MEF2C: variants seen among roughly 807,000 people sequenced by gnomAD.
MEF2C encodes the protein myocyte-specific enhancer factor 2C.
A neutral mutation model predicts 50.5 loss-of-function variants in MEF2C; 6 were observed. That is an observed-to-expected ratio of 0.12 (90% confidence interval 0.07 to 0.23). MEF2C has a LOEUF of 0.23. Among genes scored for constraint, MEF2C ranks in the 10% least tolerant of loss-of-function variants. The probability of loss-of-function intolerance (pLI) is 1.00; values close to 1 mark genes in which losing one functional copy is unlikely to be tolerated. For missense variants in MEF2C, 276 were observed against 605.0 expected (o/e 0.46, Z 5.70); for synonymous variants, 183 against 228.0 (o/e 0.80, Z 1.78).
Position 88,893,552 on chromosome 5 carries a change from T to A in MEF2C, c.-239-5954A>T, listed in dbSNP as rs184305058. On this transcript the variant is annotated intron_variant, in intron 1 of 11. Transcript: ENST00000340208. Reference sequence around the variant, plus strand: ...CTAGGTAATTTTTTAAATGACTATGTTCTACTTATCTGGATCTTACAAAAT... The same window carrying A: ...CTAGGTAATTTTTTAAATGACTATGATCTACTTATCTGGATCTTACAAAAT... Among the ~76,000 whole-genome samples the A allele has an allele frequency of 8.9e-4, 136 of 152,136 alleles. 1 individual carries two copies. In the Middle Eastern group the frequency reaches 0.01, roughly 11 times the overall value.
rs34317 is a variant in MEF2C at position 88,720,191 on chromosome 5, A to G, written c.*2413T>C. 0.69 allele frequency: 105,589 copies of G among 151,978 alleles called. 37,347 individuals are homozygous for G. Among genetic ancestry groups the G allele is most frequent in the East Asian group, 0.92 (4,788 of 5,184 alleles). 9.4% of individuals were successfully genotyped at this position (151,978 alleles called of 1,614,324 possible). ...GATCAAGTCTATGGTGAGGAAAATG[A>G]TTTTCTTATTTTATTCCCCTGTGCG... On this transcript the variant is annotated 3_prime_UTR_variant, in exon 11 of 11. Coordinates refer to ENST00000504921, the MANE Select transcript of MEF2C (RefSeq NM_002397.5).
intron 3 of MEF2C, among the ~76,000 whole-genome samples, chr5:88,803,511 A>G (rs1409478999): frequency 6.6e-6 from 1 of 152,216 alleles, no homozygotes; most frequent in Non-Finnish European, 1.5e-5. Context: ...GTACTCTGGC[A>G]AACTGGCTCT....
intron 1 of MEF2C, among the ~76,000 whole-genome samples, chr5:88,835,821 A>G (rs1814882531): frequency 6.6e-6 from 1 of 151,626 alleles, no homozygotes; most frequent in Admixed American, 6.6e-5. Context: ...CTTAAAAAAA[A>G]AAAAAAAAAA....
Position 88,718,185 on chromosome 5 carries a change from T to C in MEF2C, c.*4419A>G, listed in dbSNP as rs1464022711. 3 of 152,142 alleles carry C rather than the reference T, an allele frequency of 2.0e-5. No homozygotes were observed. The highest frequency in any genetic ancestry group is 6.5e-5 in the Admixed American group (1 of 15,268). The allele number at this position is 152,142 out of a possible 1,614,324, so 9.4% of individuals were successfully genotyped here. A position where few individuals can be genotyped will look rare whatever the true frequency, so the allele number is the denominator to read the frequency against. On this transcript the variant is annotated 3_prime_UTR_variant, in exon 11 of 11. Transcript: ENST00000504921. ...TGCTTTTTAAAAAACACAATAAAATTGAATAAATTTAAACAGCAAAACATT... is the reference window on the plus strand; with the variant it reads ...TGCTTTTTAAAAAACACAATAAAATCGAATAAATTTAAACAGCAAAACATT...
intron 3 of MEF2C, among the ~76,000 whole-genome samples, chr5:88,797,171 G>A (rs1346744781): frequency 6.6e-6 from 1 of 152,142 alleles, no homozygotes; most frequent in Non-Finnish European, 1.5e-5. Flanking sequence ...TTCAAGCCCT[G>A]AATATCCTTG....
chr5:88,746,524 G>A (rs1462187517), intron 6 of MEF2C: 12 of 983,808 alleles, frequency 1.2e-5, no homozygotes, highest in Non-Finnish European at 1.3e-5. Flanking sequence ...TTGCAGTCTC[G>A]CCACTTGGCC....
intron 1 of MEF2C, among the ~76,000 whole-genome samples, chr5:88,879,501 T>C (rs1250584383): frequency 6.6e-6 from 1 of 151,936 alleles, no homozygotes; most frequent in African/African-American, 2.4e-5. Context: ...CAGAATAACA[T>C]AATGGATATT....
rs559836270 is a variant in MEF2C, at chr5:88,735,294, G to A, written c.638-3393C>T. The A allele has an allele frequency of 1.0e-5, 10 of 985,378 alleles. No homozygotes were observed. In the African/African-American group the frequency reaches 1.6e-4, roughly 15 times the overall value. 61.0% of individuals were successfully genotyped at this position (985,378 alleles called of 1,614,324 possible). A position where few individuals can be genotyped will look rare whatever the true frequency, so the allele number is the denominator to read the frequency against. ...GTCGCATTTAAATTCAGGGGTCCGG[G>A]AGGTGGGAAACACCACCTCTCAACA... On this transcript the variant is annotated intron_variant, in intron 6 of 10. Transcript: ENST00000504921.
chr5:88,798,051 G>A (rs759882428), intron 3 of MEF2C, among the ~76,000 whole-genome samples: 3 of 152,136 alleles, frequency 2.0e-5, no homozygotes, highest in Non-Finnish European at 4.4e-5. Flanking sequence ...TGGGTAGCTC[G>A]ACCTTTCTCT....
At chr5:88,842,928 T>C (rs889554021) in intron 1 of MEF2C, among the ~76,000 whole-genome samples, 4 of 152,144 alleles carry the variant, frequency 2.6e-5, no homozygotes, top group Non-Finnish European at 4.4e-5. Context: ...AACAGTGAAA[T>C]GTCTGGACTG....
rs556155999 is a variant in MEF2C, at chr5:88,750,627, T to A, written c.589+1230A>T. On this transcript the variant is annotated intron_variant, in intron 5 of 10. Coordinates refer to ENST00000504921, the MANE Select transcript of MEF2C (RefSeq NM_002397.5). ...AATAGGAAAGTGAACTGCATTCTAGTATGATCTGAAAGGAATACATGTGGT... is the reference window on the plus strand; with the variant it reads ...AATAGGAAAGTGAACTGCATTCTAGAATGATCTGAAAGGAATACATGTGGT... Among the ~76,000 whole-genome samples the A allele has an allele frequency of 4.6e-5, 7 of 152,332 alleles. No individual in the cohort carries two copies. In the South Asian group the frequency reaches 1.5e-3, roughly 32 times the overall value.
intron 1 of MEF2C, among the ~76,000 whole-genome samples, chr5:88,857,651 A>G (rs1037847699): frequency 2.0e-5 from 3 of 152,174 alleles, no homozygotes; most frequent in African/African-American, 7.2e-5. Context: ...TTCTCCTGAT[A>G]GTGAGTTCTC....
At chr5:88,742,184 C>G (rs1192507479) in intron 6 of MEF2C, 1 of 985,214 alleles carries the variant, frequency 1.0e-6, no homozygotes, top group East Asian at 1.1e-4. Context: ...CCAAATCCCC[C>G]CTTCAGCATC....
rs902196580 is a variant in MEF2C, at chr5:88,756,944, G to A, written c.402+4241C>T. On this transcript the variant is annotated intron_variant, in intron 4 of 10. Coordinates refer to ENST00000504921, the MANE Select transcript of MEF2C (RefSeq NM_002397.5). The stretch of plus-strand genomic sequence containing the variant: ...AAATGAAATGCTGTCAGCAGAACTG[G>A]CTATGTAATTTGCAGGGCCCAGTGC... Among the ~76,000 whole-genome samples the A allele has an allele frequency of 2.6e-5, 4 of 152,284 alleles. No individual in the cohort carries two copies. In the East Asian group the frequency reaches 5.8e-4, roughly 22 times the overall value.
chr5:88,722,801 G>A lies in MEF2C; in HGVS notation c.1225C>T (p.Pro409Ser). ...RDRTTTPSRY[P>S]QHTRHEAGRS... ...CCCGCCTCGTGGCGCGTGTGTTGTG[G>A]GTATCTCGAAGGGGTGGTGGTACGG... The change falls in exon 11 of 11, where the codon CCA (proline) becomes TCA (serine). Residue 409 changes from proline to serine, a missense_variant. Physicochemically the swap from Pro to Ser is moderately conservative, Grantham distance 74. Around this residue, in one of 2 missense-constraint regions of MEF2C, gnomAD observed 256 missense variants for 468.1 expected, o/e 0.55. Transcript: ENST00000504921. The A allele has an allele frequency of 6.2e-7, 1 of 1,613,958 alleles. No homozygotes were observed.
rs1356273264 is a variant in MEF2C, at chr5:88,843,657, A to AT, written c.-142-19728dup. The stretch of plus-strand genomic sequence containing the variant: ...TATTAGCTATGATCTATTGAAACAA[A>AT]TATCTATGACTTTCTCTAATCCAGA... On this transcript the variant is annotated intron_variant, in intron 1 of 10. Transcript: ENST00000504921. 2.0e-5 allele frequency among the ~76,000 whole-genome samples: 3 copies of AT among 152,188 alleles called. No individual in the cohort carries two copies. In the East Asian group the frequency reaches 5.8e-4, roughly 29 times the overall value.
chr5:88,748,263 T>G, intron 6 of MEF2C: 1 of 897,692 alleles, frequency 1.1e-6, no homozygotes, highest in Middle Eastern at 5.8e-4. Context: ...ACTTGATTTT[T>G]TTTGACATTT....
intron 3 of MEF2C, among the ~76,000 whole-genome samples, chr5:88,791,702 G>C (rs951789476): frequency 6.6e-6 from 1 of 151,966 alleles, no homozygotes; most frequent in Non-Finnish European, 1.5e-5. Flanking sequence ...ATAGTTATGA[G>C]AAATATGAAT....
At chr5:88,771,005 A>C (rs1019310018) in intron 3 of MEF2C, among the ~76,000 whole-genome samples, 1 of 152,250 alleles carries the variant, frequency 6.6e-6, no homozygotes, top group Non-Finnish European at 1.5e-5. Flanking sequence ...ATCATGGCAG[A>C]AGGCAGAGGA....
Sources: allele counts gnomAD v4.1 joint callset (sites outside exome capture counted in the v4.1 genomes callset), GRCh38; gene constraint gnomAD v4.1.1; regional missense constraint gnomAD v4.1.1; transcripts MANE v1.5; gene names NCBI Gene and HGNC (gene_info 2026-07-23, HGNC 2026-07-21).